CHAF1B: variants seen among roughly 807,000 people sequenced by gnomAD.
The protein encoded by CHAF1B is chromatin assembly factor 1 subunit B.
In CHAF1B, 10 loss-of-function variants were observed where a neutral mutation model predicts 60.7. The observed-to-expected ratio is 0.16, with a 90% confidence interval of 0.10 to 0.28. The LOEUF is 0.28. Ranked by LOEUF, CHAF1B falls within the 10% of genes least tolerant of loss-of-function variation. The pLI is 1.00. For synonymous variants in CHAF1B, 261 were observed against 266.1 expected (o/e 0.98, Z 0.19); for missense variants, 558 against 708.4 (o/e 0.79, Z 2.41).
At chr21:36,399,141 T>A (rs1319359529) in intron 6 of CHAF1B, among the ~76,000 whole-genome samples, 1 of 151,888 alleles carries the variant, frequency 6.6e-6, no homozygotes, top group Non-Finnish European at 1.5e-5. Context: ...TTCAAGTGAT[T>A]CTTCTGCCTC....
intron 3 of CHAF1B, 27 bp from the exon 4 acceptor site, chr21:36,391,524 G>C (rs1427251776): frequency 1.5e-6 from 2 of 1,366,502 alleles, no homozygotes; most frequent in East Asian, 4.6e-5. Flanking sequence ...GTGAAGCGTG[G>C]ATCACTGTTA....
intron 8 of CHAF1B, among the ~76,000 whole-genome samples, chr21:36,407,375 C>G (rs538744955): frequency 7.5e-4 from 114 of 151,342 alleles, no homozygotes; most frequent in Admixed American, 1.6e-3. Context: ...AAACCAAAAG[C>G]CAAAAAAATA....
At chr21:36,407,026 G>C (rs1330859137) in intron 8 of CHAF1B, among the ~76,000 whole-genome samples, 3 of 152,222 alleles carry the variant, frequency 2.0e-5, no homozygotes, top group African/African-American at 7.2e-5. Flanking sequence ...AACTGGCTGG[G>C]CATGGTGGCT....
chr21:36,392,967 C>T lies in CHAF1B; in HGVS notation c.377+1299C>T, dbSNP rs112615523. 2.6e-5 allele frequency among the ~76,000 whole-genome samples: 4 copies of T among 152,172 alleles called. No individual in the cohort carries two copies. The East Asian group carries it at 7.7e-4, about 29-fold the overall frequency. ...GACTCTGTCTGCAATCCCGGCACCT[C>T]GGGAGGCTGAGGCTGGCAGATCACT... On this transcript the variant is annotated intron_variant, in intron 4 of 13. Transcript: ENST00000314103.
rs769648284 is a variant in CHAF1B, at chr21:36,412,835, G to A, written c.1062-49G>A. On this transcript the variant is annotated intron_variant, in intron 11 of 13. Coordinates refer to ENST00000314103, the MANE Select transcript of CHAF1B (RefSeq NM_005441.3). ...TCGAACTTCCCTCTTCTAAGTAGATGTGAGAGTGTTGGTAAGGTCTGTAAC... is the reference window on the plus strand; with the variant it reads ...TCGAACTTCCCTCTTCTAAGTAGATATGAGAGTGTTGGTAAGGTCTGTAAC... 3 of 1,549,918 alleles carry A rather than the reference G, an allele frequency of 1.9e-6. No homozygotes were observed. The South Asian group carries it at 3.7e-5, about 19-fold the overall frequency.
chr21:36,396,487 C>T (rs540349832), intron 5 of CHAF1B, among the ~76,000 whole-genome samples: 6 of 151,092 alleles, frequency 4.0e-5, no homozygotes, highest in African/African-American at 1.5e-4. Context: ...ATGGCAAAAC[C>T]CTCTCTCTAC....
intron 3 of CHAF1B, among the ~76,000 whole-genome samples, chr21:36,389,970 C>T (rs2086073272): frequency 6.6e-6 from 1 of 152,040 alleles, no homozygotes; most frequent in Admixed American, 6.6e-5. Flanking sequence ...AGTGTTCATC[C>T]ATCAGGGCCA....
intron 3 of CHAF1B, among the ~76,000 whole-genome samples, chr21:36,389,640 C>T (rs566743353): frequency 6.6e-6 from 1 of 150,496 alleles, no homozygotes; most frequent in East Asian, 2.0e-4. Context: ...TTTTACCATA[C>T]TTTAAAACAA....
chr21:36,413,542 A>G lies in CHAF1B; in HGVS notation c.1493+227A>G, dbSNP rs149148488. Among the ~76,000 whole-genome samples the G allele has an allele frequency of 1.7e-4, 26 of 152,276 alleles. No individual in the cohort carries two copies. The East Asian group carries it at 4.6e-3, about 27-fold the overall frequency. ...ATAAAGCCCAGGCTCCTATGCACAC[A>G]CACAGACTGTGATTTGGCTGCAGCC... On this transcript the variant is annotated intron_variant, in intron 12 of 13. Coordinates refer to ENST00000314103, the MANE Select transcript of CHAF1B (RefSeq NM_005441.3).
chr21:36,390,469 G>A (rs1009438844), intron 3 of CHAF1B, among the ~76,000 whole-genome samples: 1 of 152,096 alleles, frequency 6.6e-6, no homozygotes, highest in Non-Finnish European at 1.5e-5. Flanking sequence ...CGTGGTAATC[G>A]TAGAGTCAGA....
At position 36,413,135 on chromosome 21, in the gene CHAF1B, G is replaced by C; in HGVS notation, c.1313G>C (p.Arg438Thr). The C allele has an allele frequency of 6.2e-7, 1 of 1,613,964 alleles. No homozygotes were observed. The highest frequency in any genetic ancestry group is 8.5e-7 in the Non-Finnish European group (1 of 1,179,986). The change falls in exon 12 of 14, where the codon AGA becomes ACA. Residue 438 changes from arginine to threonine, a missense_variant. Physicochemically the swap from Arg to Thr is moderately conservative, Grantham distance 71. Coordinates refer to ENST00000314103, the MANE Select transcript of CHAF1B (RefSeq NM_005441.3). ...CCCGGCACGACTCCCCCTCAGGCCA[G>C]ACAGGCCCCAGCCCCAACAGTCATC... ...SSPGTTPPQA[R>T]QAPAPTVIRD... is the part of the protein sequence containing the mutation.
chr21:36,403,945 G>C lies in CHAF1B; in HGVS notation c.757+1094G>C, dbSNP rs959056101. On this transcript the variant is annotated intron_variant, in intron 8 of 13. Coordinates refer to ENST00000314103, the MANE Select transcript of CHAF1B (RefSeq NM_005441.3). Reference sequence around the variant, plus strand: ...GAGAAGGGCGTGAATCACACATGCAGCTGTGTGGGTGGGGCTTTAAAGAAC... The same window carrying C: ...GAGAAGGGCGTGAATCACACATGCACCTGTGTGGGTGGGGCTTTAAAGAAC... 2.6e-5 allele frequency among the ~76,000 whole-genome samples: 4 copies of C among 152,334 alleles called. No homozygotes were observed. The East Asian group carries it at 5.8e-4, about 22-fold the overall frequency.
rs765367431 is a variant in CHAF1B, at chr21:36,386,202, G to T, written c.66G>T (p.Gln22His). The T allele has an allele frequency of 6.2e-7, 1 of 1,614,206 alleles. No individual in the cohort carries two copies. Among genetic ancestry groups the T allele is most frequent in the South Asian group, 1.1e-5 (1 of 91,084 alleles). Residue 22 changes from glutamine (Q) to histidine (H), a missense_variant, in exon 2 of 14, where the codon CAG becomes CAT. Gln to His is a conservative substitution (Grantham distance 24). This residue lies in a region of CHAF1B where 325 missense variants were observed against 493.5 expected (regional missense o/e 0.66). Coordinates refer to ENST00000314103, the MANE Select transcript of CHAF1B (RefSeq NM_005441.3). ...AGCCCGTGTACAGCCTGGACTTCCA[G>T]CATGGGACGGCTGGGAGGATCCACA... Reference protein sequence around the residue: ...NKEPVYSLDFQHGTAGRIHRL... With the variant: ...NKEPVYSLDFHHGTAGRIHRL...
Position 36,413,101 on chromosome 21 carries a change from C to G in CHAF1B, c.1279C>G (p.Pro427Ala). The change falls in exon 12 of 14, where the codon CCC becomes GCC. Residue 427 changes from proline to alanine, a missense_variant. Around this residue, in one of 2 missense-constraint regions of CHAF1B, gnomAD observed 233 missense variants for 214.9 expected, o/e 1.08. Transcript: ENST00000314103. ...EGTPASRTQD[P>A]SSPGTTPPQA... ...AACCCCTGCCAGCAGAACCCAAGAC[C>G]CCAGCAGCCCCGGCACGACTCCCCC... 6.2e-7 allele frequency: 1 copy of G among 1,614,116 alleles called. No homozygotes were observed. Among genetic ancestry groups the G allele is most frequent in the South Asian group, 1.1e-5 (1 of 91,074 alleles).
At chr21:36,396,003 G>GTTT (rs112517403) in intron 5 of CHAF1B, among the ~76,000 whole-genome samples, 1 of 147,080 alleles carries the variant, frequency 6.8e-6, no homozygotes, top group Non-Finnish European at 1.5e-5. Context: ...GTTTTGTGTG[G>GTTT]TTTTTTTTTT....
At chr21:36,402,692 ATG>A in intron 7 of CHAF1B, 64 bp from the exon 8 acceptor site, 1 of 1,341,414 alleles carries the variant, frequency 7.5e-7, no homozygotes, top group South Asian at 1.2e-5. Context: ...ATTTGGAAAA[ATG>A]TTTAAGCTTT....
intron 5 of CHAF1B, 21 bp from the exon 6 acceptor site, chr21:36,397,394 G>A (rs2086149813): frequency 1.5e-6 from 2 of 1,318,550 alleles, no homozygotes; most frequent in East Asian, 2.4e-5. Context: ...TTTGGTGCGT[G>A]TGTGTGTGTT....
In CHAF1B at chr21:36,416,627, A is replaced by T. The variant is rs2086322179; in HGVS notation, c.*261A>T. ...TGAGTTTCTGAAACTGGAGCGGTTC[A>T]ACGTTATCCAGTGTGAAAATCAGTG... On this transcript the variant is annotated 3_prime_UTR_variant, in exon 14 of 14. Transcript: ENST00000314103. 3.1e-6 allele frequency: 1 copy of T among 321,436 alleles called. No homozygotes were observed. The highest frequency in any genetic ancestry group is 5.7e-6 in the Non-Finnish European group (1 of 174,090). 19.9% of individuals were successfully genotyped at this position (321,436 alleles called of 1,614,324 possible). A position where few individuals can be genotyped will look rare whatever the true frequency, so the allele number is the denominator to read the frequency against.
chr21:36,411,738 T>A, intron 11 of CHAF1B, 134 bp downstream of exon 11: 1 of 1,097,630 alleles, frequency 9.1e-7, no homozygotes, highest in Non-Finnish European at 1.3e-6. Flanking sequence ...GTTTCTTATT[T>A]ATTTTTTTGA....
Sources: gnomAD v4.1 joint callset for allele counts (sites outside exome capture counted in the v4.1 genomes callset) on GRCh38, gnomAD v4.1.1 for gene constraint, gnomAD v4.1.1 regional missense constraint, MANE v1.5 for transcripts, NCBI Gene and HGNC (gene_info 2026-07-23, HGNC 2026-07-21) for gene names.